SPRED2: variants seen among roughly 807,000 people sequenced by gnomAD.
SPRED2 encodes sprouty related EVH1 domain containing 2.
In SPRED2, 47 loss-of-function variants were observed where a neutral mutation model predicts 43.0. That is an observed-to-expected ratio of 1.09 (90% confidence interval 0.87 to 1.40). The LOEUF (loss-of-function observed/expected upper bound fraction) is 1.40, where lower values mean the gene tolerates loss of function less well. Among genes scored for constraint, SPRED2 ranks in the 40% most tolerant of loss-of-function variants. The pLI is 0.00. For missense variants in SPRED2, 561 were observed against 586.4 expected (o/e 0.96, Z 0.45); for synonymous variants, 225 against 225.7 (o/e 1.00, Z 0.03).
intron 1 of SPRED2, among the ~76,000 whole-genome samples, chr2:65,401,937 G>GTGCACA (rs1553426614): frequency 3.2e-4 from 37 of 114,760 alleles, no homozygotes; most frequent in African/African-American, 1.2e-3. Context: ...GCGCGCGCGC[G>GTGCACA]CACACACACA....
rs567705487 is a variant in SPRED2, at chr2:65,373,112, TAATG to T, written c.27-28220_27-28217del. Among the ~76,000 whole-genome samples the T allele has an allele frequency of 1.4e-3, 218 of 152,328 alleles. 2 individuals are homozygous for T. The highest frequency in any genetic ancestry group is 4.9e-3 in the African/African-American group (203 of 41,578). On this transcript the variant is annotated intron_variant, in intron 1 of 5. Transcript: ENST00000356388. ...TTCTCCTAGGTAAACAGCCCATAAT[TAATG>T]GAGTTAGAAATCTTGCAAATTTATT...
chr2:65,386,761 CTG>C lies in SPRED2; in HGVS notation c.27-41867_27-41866del, dbSNP rs1450696293. Among the ~76,000 whole-genome samples, 9 of 152,204 alleles carry C rather than the reference CTG, an allele frequency of 5.9e-5. 1 individual carries two copies. The highest frequency in any genetic ancestry group is 1.3e-4 in the Non-Finnish European group (9 of 68,042). On this transcript the variant is annotated intron_variant, in intron 1 of 5. Coordinates refer to ENST00000356388, the MANE Select transcript of SPRED2 (RefSeq NM_181784.3). ...TGTCATTCTGTATATTCAGAGCACT[CTG>C]TGTTTCAGAAGTCTTGGGCATAAAA...
At chr2:65,372,962 A>G (rs1021658194) in intron 1 of SPRED2, among the ~76,000 whole-genome samples, 4 of 152,204 alleles carry the variant, frequency 2.6e-5, no homozygotes, top group African/African-American at 9.6e-5. Context: ...GCCACAAAAA[A>G]CTTATCCAAG....
chr2:65,400,064 C>T lies in SPRED2; in HGVS notation c.26+31898G>A, dbSNP rs551034478. Among the ~76,000 whole-genome samples the T allele has an allele frequency of 2.0e-4, 31 of 152,266 alleles. 1 individual carries two copies. Among genetic ancestry groups the T allele is most frequent in the African/African-American group, 6.7e-4 (28 of 41,534 alleles). On this transcript the variant is annotated intron_variant, in intron 1 of 5. Transcript: ENST00000356388. ...GTATACACAGGTATAAACTCTTCTC[C>T]AATGAAGTTACTGATACTCAATCCT...
intron 1 of SPRED2, among the ~76,000 whole-genome samples, chr2:65,363,000 GTTTTGTT>G (rs1250073506): frequency 8.1e-4 from 54 of 66,930 alleles, no homozygotes; most frequent in African/African-American, 3.8e-3. Flanking sequence ...TGGTCATCAT[GTTTTGTT>G]TTTTTTTTTT....
At chr2:65,391,560 T>TA (rs1675636873) in intron 1 of SPRED2, among the ~76,000 whole-genome samples, 1 of 152,258 alleles carries the variant, frequency 6.6e-6, no homozygotes, top group African/African-American at 2.4e-5. Flanking sequence ...GGCTGCATAA[T>TA]ATATCAATAG....
chr2:65,330,454 T>C (rs1673776629), intron 4 of SPRED2, among the ~76,000 whole-genome samples: 1 of 152,254 alleles, frequency 6.6e-6, no homozygotes, highest in South Asian at 2.1e-4. Flanking sequence ...GCCTTATTTC[T>C]TTTAAAAATT....
At chr2:65,418,596 C>T (rs1026029634) in intron 1 of SPRED2, among the ~76,000 whole-genome samples, 6 of 151,708 alleles carry the variant, frequency 4.0e-5, no homozygotes, top group African/African-American at 7.3e-5. Flanking sequence ...CTTTGTTGCC[C>T]GGGCTGGAGC....
intron 1 of SPRED2, among the ~76,000 whole-genome samples, chr2:65,389,381 C>T (rs1229593457): frequency 1.3e-5 from 2 of 152,016 alleles, no homozygotes; most frequent in Non-Finnish European, 2.9e-5. Flanking sequence ...CTCCTCTTAC[C>T]CCTGAAGGGT....
intron 1 of SPRED2, among the ~76,000 whole-genome samples, chr2:65,430,498 G>A (rs1034923936): frequency 2.0e-5 from 3 of 152,218 alleles, no homozygotes; most frequent in Non-Finnish European, 4.4e-5. Context: ...AATAAAGTGA[G>A]TAGATTTCCT....
intron 1 of SPRED2, among the ~76,000 whole-genome samples, chr2:65,365,315 A>T (rs1674942340): frequency 6.6e-6 from 1 of 152,240 alleles, no homozygotes; most frequent in Admixed American, 6.5e-5. Context: ...CCATTCTATA[A>T]AAAGTACACC....
chr2:65,345,944 C>T lies in SPRED2; in HGVS notation c.27-1048G>A, dbSNP rs184268712. ...GGCAAGGCCATTACATTCTCACTTG[C>T]TGTTTTCTTTCTTTGGATAGAATTC... On this transcript the variant is annotated intron_variant, in intron 1 of 5. Coordinates refer to ENST00000356388, the MANE Select transcript of SPRED2 (RefSeq NM_181784.3). Among the ~76,000 whole-genome samples, 6 of 152,300 alleles carry T rather than the reference C, an allele frequency of 3.9e-5. No homozygotes were observed. In the East Asian group the frequency reaches 1.2e-3, roughly 29 times the overall value.
At chr2:65,360,079 C>A (rs796650774) in intron 1 of SPRED2, among the ~76,000 whole-genome samples, 2,654 of 93,112 alleles carry the variant, frequency 0.029, 60 homozygotes, top group African/African-American at 0.11. Flanking sequence ...AAAAAAAAAA[C>A]AAAAAAAAAC....
intron 1 of SPRED2, among the ~76,000 whole-genome samples, chr2:65,378,627 A>AG (rs1237213662): frequency 6.6e-6 from 1 of 152,236 alleles, no homozygotes; most frequent in African/African-American, 2.4e-5. Flanking sequence ...GTGGCCCCAT[A>AG]GGGGTGACAT....
chr2:65,384,451 A>G (rs1427008965), intron 1 of SPRED2, among the ~76,000 whole-genome samples: 1 of 152,202 alleles, frequency 6.6e-6, no homozygotes, highest in African/African-American at 2.4e-5. Flanking sequence ...GTACAAAATG[A>G]AAATAATTTG....
At chr2:65,384,070 C>T (rs1012279437) in intron 1 of SPRED2, among the ~76,000 whole-genome samples, 1 of 150,754 alleles carries the variant, frequency 6.6e-6, no homozygotes, top group African/African-American at 2.4e-5. Context: ...GGACTTCTTT[C>T]TCCTGCATTC....
intron 1 of SPRED2, among the ~76,000 whole-genome samples, chr2:65,359,560 G>C (rs1341118161): frequency 1.3e-5 from 2 of 152,134 alleles, no homozygotes; most frequent in Non-Finnish European, 2.9e-5. Context: ...CTGAAGTTGG[G>C]CTTTCCTGGC....
chr2:65,401,926 A>AGCGCGCGCGCGCGCGC (rs143714447), intron 1 of SPRED2, among the ~76,000 whole-genome samples: 1 of 121,926 alleles, frequency 8.2e-6, no homozygotes, highest in Admixed American at 8.1e-5. Flanking sequence ...TCAGAATATT[A>AGCGCGCGCGCGCGCGC]GCGCGCGCGC....
chr2:65,357,846 C>T (rs1018233143), intron 1 of SPRED2, among the ~76,000 whole-genome samples: 2 of 152,190 alleles, frequency 1.3e-5, no homozygotes, highest in Admixed American at 1.3e-4. Flanking sequence ...CTCCATTACA[C>T]ATCTTCTCAC....
Sources: gnomAD v4.1 joint callset for allele counts (sites outside exome capture counted in the v4.1 genomes callset) on GRCh38, gnomAD v4.1.1 for gene constraint, MANE v1.5 for transcripts, NCBI Gene and HGNC (gene_info 2026-07-23, HGNC 2026-07-21) for gene names.